The following SLIT1 variants were observed in gnomAD, a reference collection of about 807,000 sequenced individuals.
SLIT1 encodes slit homolog 1 protein.
In SLIT1, 66 loss-of-function variants were observed where a neutral mutation model predicts 186.1. The ratio of observed to expected loss-of-function variants is 0.35; its 90% CI spans 0.29 to 0.44. The LOEUF (loss-of-function observed/expected upper bound fraction) is 0.44. Among genes scored for constraint, SLIT1 ranks in the 20% least tolerant of loss-of-function variants. The probability of loss-of-function intolerance (pLI) is 1.00; values close to 1 mark genes in which losing one functional copy is unlikely to be tolerated. For missense variants in SLIT1, 1,638 were observed against 2,037.4 expected (o/e 0.80, Z 3.77); for synonymous variants, 761 against 833.8 (o/e 0.91, Z 1.50).
At chr10:97,032,297 G>A (rs536413036) in intron 23 of SLIT1, among the ~76,000 whole-genome samples, 3 of 152,220 alleles carry the variant, frequency 2.0e-5, no homozygotes, top group African/African-American at 4.8e-5. Flanking sequence ...GGCTGGATGC[G>A]GTGGCTGACT....
chr10:97,174,481 A>T (rs1371243163), intron 1 of SLIT1, among the ~76,000 whole-genome samples: 1 of 152,188 alleles, frequency 6.6e-6, no homozygotes, highest in African/African-American at 2.4e-5. Flanking sequence ...AGGCTGAGCC[A>T]CAGCCAGACA....
rs527441598 is a variant in SLIT1 at position 97,047,156 on chromosome 10, A to G, written c.1635-91T>C. 4 of 839,808 alleles carry G rather than the reference A, an allele frequency of 4.8e-6. No homozygotes were observed. In the East Asian group the frequency reaches 1.0e-4, roughly 22 times the overall value. The allele number at this position is 839,808 out of a possible 1,614,324, so 52.0% of individuals were successfully genotyped here. On this transcript the variant is annotated intron_variant, in intron 16 of 36. Transcript: ENST00000266058. ...GAGAATATTTGGGACTCAAACAGAG[A>G]AGACTCCCAGAAGAATTTATCTGGC...
intron 28 of SLIT1, among the ~76,000 whole-genome samples, chr10:97,016,000 C>T (rs528226907): frequency 1.3e-5 from 2 of 152,126 alleles, no homozygotes; most frequent in Non-Finnish European, 2.9e-5. Context: ...AGAACTTGTT[C>T]GTGTCATTTT....
At chr10:97,074,362 C>A (rs1334355822) in intron 4 of SLIT1, among the ~76,000 whole-genome samples, 1 of 152,204 alleles carries the variant, frequency 6.6e-6, no homozygotes, top group African/African-American at 2.4e-5. Flanking sequence ...GAGCTCAGGG[C>A]CAGACAGGCT....
At chr10:97,041,834 G>A (rs982515213) in intron 20 of SLIT1, among the ~76,000 whole-genome samples, 2 of 151,372 alleles carry the variant, frequency 1.3e-5, no homozygotes, top group Admixed American at 1.3e-4. Flanking sequence ...TAAGGAATGA[G>A]GATGCATTTC....
chr10:97,063,417 G>T (rs367881355), intron 8 of SLIT1, 38 bp downstream of exon 8: 72 of 1,608,248 alleles, frequency 4.5e-5, no homozygotes, highest in African/African-American at 9.4e-5. Flanking sequence ...GGCAGGAGGC[G>T]CCGGACAGTT....
intron 4 of SLIT1, among the ~76,000 whole-genome samples, chr10:97,091,692 G>A (rs973777159): frequency 3.9e-5 from 6 of 152,204 alleles, no homozygotes; most frequent in Middle Eastern, 3.2e-3. Flanking sequence ...CTTTGAACAT[G>A]TTTTTATCTT....
chr10:97,151,450 G>A (rs1248752227), intron 4 of SLIT1, among the ~76,000 whole-genome samples: 1 of 151,678 alleles, frequency 6.6e-6, no homozygotes, highest in Non-Finnish European at 1.5e-5. Context: ...GATGGGAGGA[G>A]ATGGGGGATG....
intron 1 of SLIT1, among the ~76,000 whole-genome samples, chr10:97,175,385 G>T (rs1850242031): frequency 6.6e-6 from 1 of 152,082 alleles, no homozygotes; most frequent in Admixed American, 6.5e-5. Context: ...GAGACCCTGT[G>T]TTCAGTTCTT....
intron 4 of SLIT1, among the ~76,000 whole-genome samples, chr10:97,156,012 T>C (rs1045365363): frequency 6.6e-6 from 1 of 152,210 alleles, no homozygotes; most frequent in African/African-American, 2.4e-5. Flanking sequence ...CGGAGGCACC[T>C]GCTGGGAAGA....
chr10:97,050,164 A>G (rs984682476), intron 13 of SLIT1, among the ~76,000 whole-genome samples: 9 of 152,232 alleles, frequency 5.9e-5, no homozygotes, highest in Non-Finnish European at 1.3e-4. Flanking sequence ...GGAAAAAAAA[A>G]GAAGTACGGG....
chr10:97,133,040 G>A (rs920581666), intron 4 of SLIT1, among the ~76,000 whole-genome samples: 13 of 152,196 alleles, frequency 8.5e-5, no homozygotes, highest in Admixed American at 6.5e-5. Context: ...AAATTCAGGT[G>A]AGCCTGGAAA....
At chr10:97,083,829 A>G (rs1849129379) in intron 4 of SLIT1, among the ~76,000 whole-genome samples, 1 of 152,188 alleles carries the variant, frequency 6.6e-6, no homozygotes, top group Non-Finnish European at 1.5e-5. Context: ...GAAGTCCCTT[A>G]CAGACATGCA....
chr10:97,145,832 G>A (rs998068172), intron 4 of SLIT1, among the ~76,000 whole-genome samples: 1 of 152,212 alleles, frequency 6.6e-6, no homozygotes, highest in Admixed American at 6.5e-5. Context: ...AAGCCAGACA[G>A]ACTGCGGCAG....
rs771700363 is a variant in SLIT1, at chr10:97,060,660, C to A, written c.921G>T (p.Leu307=). Residue 307 remains leucine (L), a synonymous_variant, in exon 9 of 37, where the codon CTG becomes CTT. Transcript: ENST00000266058. ...CTCACATCTCCGTCATGGTCTCGGG[C>A]AGGTTGGCCGGGATGGCAGTGAGGC... ...GKGLTAIPAN[L]PETMTEIRLE... The A allele has an allele frequency of 2.5e-6, 4 of 1,613,236 alleles. No individual in the cohort carries two copies. Among genetic ancestry groups the A allele is most frequent in the Non-Finnish European group, 3.4e-6 (4 of 1,180,044 alleles).
At chr10:97,171,958 C>T (rs1441335595) in intron 1 of SLIT1, among the ~76,000 whole-genome samples, 4 of 152,068 alleles carry the variant, frequency 2.6e-5, no homozygotes, top group Admixed American at 6.6e-5. Context: ...TCTTTGCCTA[C>T]GAACTCCAAT....
At chr10:97,174,495 A>T (rs909971736) in intron 1 of SLIT1, among the ~76,000 whole-genome samples, 2 of 151,928 alleles carry the variant, frequency 1.3e-5, no homozygotes, top group African/African-American at 4.8e-5. Context: ...CCAGACACCA[A>T]CTCCAGCCTG....
chr10:97,094,452 G>A (rs1769005074), intron 4 of SLIT1, among the ~76,000 whole-genome samples: 1 of 152,170 alleles, frequency 6.6e-6, no homozygotes, highest in African/African-American at 2.4e-5. Context: ...TGCCTCCACC[G>A]ACTGTATGGC....
chr10:97,099,151 T>G (rs1422457117), intron 4 of SLIT1, among the ~76,000 whole-genome samples: 5 of 149,358 alleles, frequency 3.3e-5, no homozygotes, highest in Non-Finnish European at 7.4e-5. Context: ...GTGTCCAGTT[T>G]GGGGGGATGC....
Sources: gnomAD v4.1 joint callset for allele counts (sites outside exome capture counted in the v4.1 genomes callset) on GRCh38, gnomAD v4.1.1 for gene constraint, MANE v1.5 for transcripts, NCBI Gene and HGNC (gene_info 2026-07-23, HGNC 2026-07-21) for gene names.